The following UBE3D variants were observed in gnomAD, a reference collection of about 807,000 sequenced individuals.
The protein encoded by UBE3D is ubiquitin protein ligase E3D, also known as E3 ubiquitin-protein ligase E3D.
Under a neutral mutation model 49.6 loss-of-function variants are expected in UBE3D, and 48 were observed. That is an observed-to-expected ratio of 0.97 (90% CI 0.77 to 1.23). The LOEUF (loss-of-function observed/expected upper bound fraction) is 1.23. UBE3D is among the 50% of genes most tolerant of loss of function. UBE3D has a pLI of 0.00. For synonymous variants in UBE3D, 189 were observed against 174.2 expected, an observed-to-expected ratio of 1.08 and a Z score of -0.67; for missense variants, 452 against 468.4, an observed-to-expected ratio of 0.96 and a Z score of 0.32.
chr6:82,965,583 C>CAAAAAAAAAAAA (rs35257086), intron 8 of UBE3D, among the ~76,000 whole-genome samples: 3 of 86,354 alleles, frequency 3.5e-5, no homozygotes, highest in Non-Finnish European at 4.6e-5. Context: ...AACTCCATCT[C>CAAAAAAAAAAAA]AAAAAAAAAA....
Position 82,988,850 on chromosome 6 carries a change from C to CA in UBE3D, c.1010+30122dup, listed in dbSNP as rs367891293. Among the ~76,000 whole-genome samples, 469 of 135,414 alleles carry CA rather than the reference C, an allele frequency of 3.5e-3. 1 individual carries two copies. Among genetic ancestry groups the CA allele is most frequent in the African/African-American group, 6.9e-3 (253 of 36,882 alleles). 88.8% of individuals were successfully genotyped at this position (135,414 alleles called of 152,430 possible). A position where few individuals can be genotyped will look rare whatever the true frequency, so the allele number is the denominator to read the frequency against. ...CAGCTGTTACCAGGAGATTAACTAC[C>CA]AAAAAAAAAAAGAAAAAGAGAAAAA... On this transcript the variant is annotated intron_variant, in intron 8 of 9. Transcript: ENST00000369747.
the UBE3D span, among the ~76,000 whole-genome samples, chr6:82,885,118 G>A: frequency 2.6e-5 from 4 of 151,600 alleles, no homozygotes; most frequent in African/African-American, 4.8e-5. Flanking sequence ...TATGTATTCC[G>A]TTGTATCTTT....
At chr6:83,008,164 G>A (rs1016224497) in intron 8 of UBE3D, among the ~76,000 whole-genome samples, 12 of 152,032 alleles carry the variant, frequency 7.9e-5, no homozygotes, top group African/African-American at 2.7e-4. Flanking sequence ...TGTACTGTAG[G>A]ATGCTTAAGA....
intron 8 of UBE3D, among the ~76,000 whole-genome samples, chr6:82,975,386 T>A (rs1448225205): frequency 6.6e-6 from 1 of 152,160 alleles, no homozygotes; most frequent in Non-Finnish European, 1.5e-5. Flanking sequence ...AAACTTAAAT[T>A]TTCTAGCCAT....
chr6:82,967,639 A>G (rs1777046121), intron 8 of UBE3D, among the ~76,000 whole-genome samples: 1 of 151,692 alleles, frequency 6.6e-6, no homozygotes, highest in Non-Finnish European at 1.5e-5. Flanking sequence ...AACAGTTCAT[A>G]TTTTTTTTCT....
Position 82,985,210 on chromosome 6 carries a change from CTTTTT to C in UBE3D, c.1011-27765_1011-27761del, listed in dbSNP as rs1471695539. Among the ~76,000 whole-genome samples, 4 of 151,760 alleles carry C rather than the reference CTTTTT, an allele frequency of 2.6e-5. No homozygotes were observed. The East Asian group carries it at 7.8e-4, about 29-fold the overall frequency. On this transcript the variant is annotated intron_variant, in intron 8 of 9. Transcript: ENST00000369747. ...TGATGCTTTTTTGTTACAAGTTTTT[CTTTTT>C]ATTTCTATGTAATCAAATTTATCAC...
At chr6:83,013,020 G>T (rs1285140565) in intron 8 of UBE3D, among the ~76,000 whole-genome samples, 1 of 152,304 alleles carries the variant, frequency 6.6e-6, no homozygotes, top group Middle Eastern at 3.4e-3. Context: ...CTGGGGAAGA[G>T]AAGGCAGGGT....
At chr6:82,951,945 C>A (rs1775830106) in intron 9 of UBE3D, among the ~76,000 whole-genome samples, 1 of 152,124 alleles carries the variant, frequency 6.6e-6, no homozygotes, top group African/African-American at 2.4e-5. Flanking sequence ...AGAGATAGAA[C>A]AGTGTCTCCC....
chr6:82,996,634 T>C (rs924242484), intron 8 of UBE3D, among the ~76,000 whole-genome samples: 57 of 152,238 alleles, frequency 3.7e-4, no homozygotes, highest in African/African-American at 1.3e-3. Flanking sequence ...CTTGGCTAAG[T>C]AATCAAGACT....
At chr6:83,003,979 ATTT>A (rs1779801741) in intron 8 of UBE3D, among the ~76,000 whole-genome samples, 1 of 152,284 alleles carries the variant, frequency 6.6e-6, no homozygotes, top group East Asian at 1.9e-4. Context: ...ATGCATTTAT[ATTT>A]TTCCATAGGC....
chr6:82,943,255 G>GC (rs1286999411), intron 9 of UBE3D, among the ~76,000 whole-genome samples: 2 of 152,170 alleles, frequency 1.3e-5, no homozygotes, highest in Non-Finnish European at 2.9e-5. Context: ...TAACTGACTT[G>GC]CTTTTTTTTA....
rs375286769 is a variant in UBE3D at position 82,960,524 on chromosome 6, T to C, written c.1011-3074A>G. On this transcript the variant is annotated intron_variant, in intron 8 of 9. Transcript: ENST00000369747. ...TACATATCATTTCTTAGAGATATTG[T>C]CCTGTTTCCTTTATAAGAACTTGCC... 2.6e-4 allele frequency among the ~76,000 whole-genome samples: 39 copies of C among 151,902 alleles called. No individual in the cohort carries two copies. In the East Asian group the frequency reaches 3.8e-3, roughly 15 times the overall value.
intron 9 of UBE3D, among the ~76,000 whole-genome samples, chr6:82,900,245 G>A (rs999766001): frequency 3.3e-5 from 5 of 152,170 alleles, no homozygotes; most frequent in African/African-American, 1.2e-4. Flanking sequence ...CTTTTCTATA[G>A]TATCAATTGA....
At position 82,969,438 on chromosome 6, in the gene UBE3D, CT is replaced by C. The variant is rs531481682; in HGVS notation, c.1011-11989del. Among the ~76,000 whole-genome samples the C allele has an allele frequency of 1.6e-3, 250 of 152,180 alleles. 1 individual carries two copies. Among genetic ancestry groups the C allele is most frequent in the African/African-American group, 5.7e-3 (238 of 41,544 alleles). On this transcript the variant is annotated intron_variant, in intron 8 of 9. Coordinates refer to ENST00000369747, the MANE Select transcript of UBE3D (RefSeq NM_198920.3). ...CCTGGGCAACATAGTGAAATCCCGTCTTTACTAAAAATACAAAAAAGTAGCC... is the reference window on the plus strand; with the variant it reads ...CCTGGGCAACATAGTGAAATCCCGTCTTACTAAAAATACAAAAAAGTAGCC...
intron 8 of UBE3D, among the ~76,000 whole-genome samples, chr6:82,969,039 G>A (rs1338372815): frequency 6.6e-6 from 1 of 152,056 alleles, no homozygotes; most frequent in Non-Finnish European, 1.5e-5. Context: ...AAGTAGACAG[G>A]AGTGGTCACT....
At chr6:82,988,656 T>A (rs1778686737) in intron 8 of UBE3D, among the ~76,000 whole-genome samples, 1 of 152,210 alleles carries the variant, frequency 6.6e-6, no homozygotes, top group African/African-American at 2.4e-5. Context: ...AGAAATATTG[T>A]ATACTGCATG....
At chr6:82,975,408 T>C (rs1486003132) in intron 8 of UBE3D, among the ~76,000 whole-genome samples, 2 of 152,210 alleles carry the variant, frequency 1.3e-5, no homozygotes, top group African/African-American at 4.8e-5. Context: ...TCCTTCTGTG[T>C]AAATGTACAT....
intron 7 of UBE3D, 63 bp downstream of exon 7, chr6:83,022,390 A>G (rs1582664142): frequency 9.2e-7 from 1 of 1,087,300 alleles, no homozygotes; most frequent in South Asian, 1.8e-5. Flanking sequence ...GGATGAAAAA[A>G]CTGAAGAATT....
intron 3 of UBE3D, among the ~76,000 whole-genome samples, chr6:83,046,393 A>AT (rs1783033249): frequency 6.6e-6 from 1 of 152,142 alleles, no homozygotes. Context: ...AGTTTAACAT[A>AT]AGGAAGAACT....
Sources: allele counts gnomAD v4.1 joint callset (sites outside exome capture counted in the v4.1 genomes callset), GRCh38; gene constraint gnomAD v4.1.1; transcripts MANE v1.5; gene names NCBI Gene and HGNC (gene_info 2026-07-23, HGNC 2026-07-21).